The following RGS7 variants were observed in gnomAD, a reference collection of about 807,000 sequenced individuals.
The protein encoded by RGS7 is regulator of G protein signaling 7.
In RGS7, 27 loss-of-function variants were observed where a neutral mutation model predicts 81.1. The observed-to-expected ratio is 0.33, with a 90% CI of 0.25 to 0.46. RGS7 has a LOEUF of 0.46. Among genes scored for constraint, RGS7 ranks in the 20% least tolerant of loss-of-function variants. RGS7 has a pLI of 1.00. For synonymous variants in RGS7, 208 were observed against 207.7 expected (o/e 1.00, Z -0.01); for missense variants, 396 against 607.4 (o/e 0.65, Z 3.66).
intron 4 of RGS7, among the ~76,000 whole-genome samples, chr1:240,938,265 G>A (rs1202467432): frequency 3.3e-5 from 5 of 152,148 alleles, no homozygotes; most frequent in Admixed American, 6.5e-5. Flanking sequence ...AGGGCCTACT[G>A]TATGTAGAAA....
chr1:241,098,882 C>T (rs1454168339), intron 2 of RGS7, 120 bp from the exon 3 acceptor site: 6 of 723,564 alleles, frequency 8.3e-6, no homozygotes, highest in South Asian at 1.6e-5. Context: ...CGTATTCTTG[C>T]CTTTCTAGTT....
intron 2 of RGS7, among the ~76,000 whole-genome samples, chr1:241,292,207 T>A (rs960661548): frequency 3.3e-5 from 5 of 152,210 alleles, no homozygotes; most frequent in Admixed American, 6.5e-5. Context: ...AACTAACTTA[T>A]TACATACTTC....
intron 2 of RGS7, among the ~76,000 whole-genome samples, chr1:241,230,131 A>C (rs1394029918): frequency 6.6e-6 from 1 of 151,964 alleles, no homozygotes; most frequent in Non-Finnish European, 1.5e-5. Context: ...ACCTTGCCTT[A>C]TACTTCTTGG....
chr1:241,135,163 A>C (rs1046384084), intron 2 of RGS7, among the ~76,000 whole-genome samples: 4 of 152,178 alleles, frequency 2.6e-5, no homozygotes, highest in African/African-American at 4.8e-5. Context: ...GCGGTGGCTC[A>C]TGCCTGTAAT....
intron 3 of RGS7, among the ~76,000 whole-genome samples, chr1:241,078,409 A>G (rs1187435090): frequency 6.9e-6 from 1 of 145,762 alleles, no homozygotes; most frequent in Non-Finnish European, 1.5e-5. Flanking sequence ...TATATACAGC[A>G]TATTATGTAT....
At chr1:240,997,379 C>T (rs915039868) in intron 3 of RGS7, among the ~76,000 whole-genome samples, 4 of 152,092 alleles carry the variant, frequency 2.6e-5, no homozygotes, top group African/African-American at 9.7e-5. Context: ...ATCACTTTAC[C>T]AATTTGAGTA....
intron 18 of RGS7, among the ~76,000 whole-genome samples, chr1:240,792,994 G>C (rs1418794057): frequency 2.6e-5 from 4 of 152,080 alleles, no homozygotes; most frequent in Non-Finnish European, 5.9e-5. Flanking sequence ...GATGGTCTCT[G>C]GCTGAAGCCT....
Position 241,129,945 on chromosome 1 carries a change from TCAA to T in RGS7, c.79-31186_79-31184del, listed in dbSNP as rs568010423. The stretch of plus-strand genomic sequence containing the variant: ...TTGCTTTTCAAGAATTCCTATTACT[TCAA>T]ATTAAAGATGTAACTGAGTGTCTTC... On this transcript the variant is annotated intron_variant, in intron 2 of 18. Coordinates refer to ENST00000440928, the MANE Select transcript of RGS7 (RefSeq NM_001364886.1). Among the ~76,000 whole-genome samples, 71 of 152,296 alleles carry T rather than the reference TCAA, an allele frequency of 4.7e-4. No homozygotes were observed. In the East Asian group the frequency reaches 0.013, roughly 29 times the overall value.
intron 5 of RGS7, among the ~76,000 whole-genome samples, chr1:240,933,046 C>T (rs970134831): frequency 2.0e-5 from 3 of 148,396 alleles, no homozygotes; most frequent in Non-Finnish European, 4.5e-5. Flanking sequence ...CCACGCCCGG[C>T]TAATTTTTTG....
intron 3 of RGS7, among the ~76,000 whole-genome samples, chr1:241,061,289 T>C (rs1291058793): frequency 1.3e-5 from 2 of 152,162 alleles, no homozygotes; most frequent in Non-Finnish European, 2.9e-5. Context: ...TTTGAGTCAT[T>C]TAAGTAAATA....
intron 2 of RGS7, among the ~76,000 whole-genome samples, chr1:241,327,801 C>T (rs1182781422): frequency 2.0e-5 from 3 of 152,152 alleles, no homozygotes; most frequent in African/African-American, 2.4e-5. Flanking sequence ...GAAATTCCTA[C>T]AGGAAAAATA....
At chr1:241,067,981 G>A (rs2062169421) in intron 3 of RGS7, among the ~76,000 whole-genome samples, 1 of 151,618 alleles carries the variant, frequency 6.6e-6, no homozygotes, top group Non-Finnish European at 1.5e-5. Flanking sequence ...AGTATGTGAT[G>A]GGCTGAGTCC....
chr1:241,235,291 A>G (rs1214658985), intron 2 of RGS7, among the ~76,000 whole-genome samples: 1 of 152,242 alleles, frequency 6.6e-6, no homozygotes, highest in East Asian at 1.9e-4. Context: ...CAGAACCCAG[A>G]TAATCTAACT....
intron 3 of RGS7, among the ~76,000 whole-genome samples, chr1:241,012,196 A>G (rs1463539942): frequency 6.6e-6 from 1 of 152,130 alleles, no homozygotes; most frequent in Non-Finnish European, 1.5e-5. Flanking sequence ...AGGAATATTG[A>G]AGAGTGAATG....
chr1:241,022,020 T>TG (rs1400667675), intron 3 of RGS7, among the ~76,000 whole-genome samples: 46 of 152,320 alleles, frequency 3.0e-4, no homozygotes, highest in African/African-American at 9.6e-4. Context: ...GCTGTGCGGT[T>TG]AAGACAGCAG....
chr1:241,230,849 G>A (rs1240064014), intron 2 of RGS7, among the ~76,000 whole-genome samples: 1 of 152,188 alleles, frequency 6.6e-6, no homozygotes, highest in African/African-American at 2.4e-5. Flanking sequence ...ATTGCTTCTG[G>A]ACCCCTCATG....
intron 2 of RGS7, among the ~76,000 whole-genome samples, chr1:241,225,168 C>G (rs1359240302): frequency 6.6e-6 from 1 of 152,088 alleles, no homozygotes; most frequent in Non-Finnish European, 1.5e-5. Flanking sequence ...CCCACTTTTC[C>G]AAGTCTCCAA....
intron 9 of RGS7, among the ~76,000 whole-genome samples, chr1:240,865,080 A>G (rs1218071163): frequency 6.6e-6 from 1 of 152,060 alleles, no homozygotes; most frequent in Non-Finnish European, 1.5e-5. Context: ...GCTTTTACCC[A>G]TATAATCTCA....
intron 2 of RGS7, among the ~76,000 whole-genome samples, chr1:241,236,413 C>A (rs2075980948): frequency 6.6e-6 from 1 of 152,162 alleles, no homozygotes; most frequent in South Asian, 2.1e-4. Flanking sequence ...CTAGTTAAAT[C>A]TTCCACGGAT....
Sources: allele counts gnomAD v4.1 joint callset (sites outside exome capture counted in the v4.1 genomes callset), GRCh38; gene constraint gnomAD v4.1.1; transcripts MANE v1.5; gene names NCBI Gene and HGNC (gene_info 2026-07-23, HGNC 2026-07-21).